The following INO80 variants were observed in gnomAD, a reference collection of about 807,000 sequenced individuals.
INO80 encodes the protein chromatin-remodeling ATPase INO80.
A neutral mutation model predicts 203.4 loss-of-function variants in INO80; 20 were observed. That is an observed-to-expected ratio of 0.10 (90% CI 0.07 to 0.14). The LOEUF (loss-of-function observed/expected upper bound fraction) is 0.14. Ranked by LOEUF, INO80 falls within the 10% of genes least tolerant of loss-of-function variation. The probability of loss-of-function intolerance (pLI) is 1.00; values close to 1 mark genes in which losing one functional copy is unlikely to be tolerated. For missense variants in INO80, 1,419 were observed against 1,914.4 expected (o/e 0.74, Z 4.83); for synonymous variants, 726 against 685.2 (o/e 1.06, Z -0.93).
intron 29 of INO80, among the ~76,000 whole-genome samples, chr15:40,991,030 TGGAG>T (rs1186685664): frequency 6.6e-6 from 1 of 151,998 alleles, no homozygotes; most frequent in Non-Finnish European, 1.5e-5. Flanking sequence ...TGGAGGTGGG[TGGAG>T]GGAGAGCCAT....
chr15:41,113,959 G>A (rs2045991496), intron 1 of INO80, among the ~76,000 whole-genome samples: 2 of 152,130 alleles, frequency 1.3e-5, no homozygotes, highest in African/African-American at 2.4e-5. Flanking sequence ...CTAAAATGAT[G>A]GAATTCAATC....
At chr15:41,071,006 A>T (rs2045302670) in intron 12 of INO80, among the ~76,000 whole-genome samples, 1 of 152,074 alleles carries the variant, frequency 6.6e-6, no homozygotes, top group Non-Finnish European at 1.5e-5. Context: ...CCGTTTCTAC[A>T]AAAAATACAA....
At chr15:41,039,438 A>G (rs1270660061) in intron 24 of INO80, among the ~76,000 whole-genome samples, 1 of 152,230 alleles carries the variant, frequency 6.6e-6, no homozygotes, top group East Asian at 1.9e-4. Flanking sequence ...GCATGAGTGT[A>G]TATTTTCAAT....
chr15:41,036,156 GAAA>G (rs369185302), intron 24 of INO80, among the ~76,000 whole-genome samples: 12 of 32,134 alleles, frequency 3.7e-4, no homozygotes, highest in South Asian at 2.2e-3. Context: ...ACTCTCTCTC[GAAA>G]AAAAAAAAAA....
intron 14 of INO80, among the ~76,000 whole-genome samples, chr15:41,065,981 C>T (rs979944554): frequency 9.4e-5 from 14 of 148,738 alleles, no homozygotes; most frequent in African/African-American, 3.0e-4. Flanking sequence ...AATGCTACTA[C>T]ATTGTACTTT....
At chr15:41,012,361 G>GT (rs1484179454) in intron 27 of INO80, among the ~76,000 whole-genome samples, 1 of 152,036 alleles carries the variant, frequency 6.6e-6, no homozygotes, top group African/African-American at 2.4e-5. Flanking sequence ...GAGGTCAGGA[G>GT]TTTGAGACCA....
chr15:41,079,309 ACTTT>A (rs780764064), intron 9 of INO80, among the ~76,000 whole-genome samples: 5 of 152,128 alleles, frequency 3.3e-5, no homozygotes, highest in African/African-American at 4.8e-5. Context: ...ATTAAAAGCT[ACTTT>A]CTTTCTCTTT....
chr15:41,005,428 G>A (rs2044027047), intron 28 of INO80, 165 bp downstream of exon 28: 2 of 560,144 alleles, frequency 3.6e-6, no homozygotes, highest in Non-Finnish European at 6.3e-6. Flanking sequence ...ACATAGATCT[G>A]AATTATGATA....
chr15:41,061,405 G>C lies in INO80; in HGVS notation c.1783-1479C>G, dbSNP rs997447295. ...GTGGATCACGAGCTCAGGAGATAGA[G>C]ACCACCCTGGCCAACATGGTGAAAC... On this transcript the variant is annotated intron_variant, in intron 14 of 35. Coordinates refer to ENST00000648947, the MANE Select transcript of INO80 (RefSeq NM_017553.3). 3.6e-5 allele frequency among the ~76,000 whole-genome samples: 5 copies of C among 139,034 alleles called. No individual in the cohort carries two copies. In the South Asian group the frequency reaches 1.1e-3, roughly 31 times the overall value. The allele number at this position is 139,034 out of a possible 152,430, so 91.2% of individuals were successfully genotyped here.
intron 19 of INO80, 58 bp from the exon 20 acceptor site, chr15:41,050,160 T>C (rs2044844439): frequency 3.9e-6 from 5 of 1,281,750 alleles, no homozygotes; most frequent in Non-Finnish European, 4.4e-6. Flanking sequence ...AAATTCAGCA[T>C]CAGCTTAAAG....
intron 24 of INO80, among the ~76,000 whole-genome samples, chr15:41,033,823 G>T (rs536621427): frequency 6.6e-5 from 10 of 152,102 alleles, no homozygotes; most frequent in Non-Finnish European, 1.5e-4. Context: ...AGGCCAAGGC[G>T]GGAGGATCAC....
At chr15:40,997,688 C>T (rs2043897764) in intron 28 of INO80, 87 bp from the exon 29 acceptor site, 2 of 859,452 alleles carry the variant, frequency 2.3e-6, no homozygotes, top group African/African-American at 1.7e-5. Flanking sequence ...GAATACAGAA[C>T]ATAAAGTCTA....
At chr15:41,061,790 AAATT>A (rs2045115058) in intron 14 of INO80, among the ~76,000 whole-genome samples, 1 of 152,202 alleles carries the variant, frequency 6.6e-6, no homozygotes, top group Non-Finnish European at 1.5e-5. Flanking sequence ...TAAAATCAAG[AAATT>A]AATGAATGGA....
intron 24 of INO80, among the ~76,000 whole-genome samples, chr15:41,040,259 C>T (rs1391720593): frequency 6.6e-6 from 1 of 152,090 alleles, no homozygotes; most frequent in Non-Finnish European, 1.5e-5. Flanking sequence ...ACACGAAGGG[C>T]TAAGAACAGC....
chr15:40,987,558 A>T (rs1484866315), intron 30 of INO80, among the ~76,000 whole-genome samples: 1 of 152,232 alleles, frequency 6.6e-6, no homozygotes, highest in Non-Finnish European at 1.5e-5. Context: ...AGAGGCCATT[A>T]CCGGTGTCAG....
chr15:41,058,558 T>C (rs1275910791), intron 16 of INO80, 81 bp downstream of exon 16: 2 of 1,048,818 alleles, frequency 1.9e-6, no homozygotes, highest in Non-Finnish European at 2.8e-6. Context: ...AGTCTGTGTG[T>C]GTGTGTGTGT....
chr15:41,116,054 C>T lies in INO80; in HGVS notation c.-125G>A. On this transcript the variant is annotated 5_prime_UTR_variant, in exon 1 of 36. Coordinates refer to ENST00000648947, the MANE Select transcript of INO80 (RefSeq NM_017553.3). Reference sequence around the variant, plus strand: ...CGGGGTCCGGAGGGGGGGGTCGCCCCGCCGACGGTGGAGCCGCGGTTCGCT... The same window carrying T: ...CGGGGTCCGGAGGGGGGGGTCGCCCTGCCGACGGTGGAGCCGCGGTTCGCT... 1 of 395,416 alleles carries T rather than the reference C, an allele frequency of 2.5e-6. No homozygotes were observed. Among genetic ancestry groups the T allele is most frequent in the Non-Finnish European group, 4.5e-6 (1 of 224,006 alleles). 24.5% of individuals were successfully genotyped at this position (395,416 alleles called of 1,614,324 possible).
intron 14 of INO80, among the ~76,000 whole-genome samples, chr15:41,063,427 CA>C (rs2045150076): frequency 6.6e-6 from 1 of 152,058 alleles, no homozygotes; most frequent in African/African-American, 2.4e-5. Flanking sequence ...ACTTAAAACT[CA>C]ATATATCAGC....
chr15:41,022,370 C>T (rs1465647505), intron 25 of INO80, among the ~76,000 whole-genome samples: 6 of 152,178 alleles, frequency 3.9e-5, no homozygotes, highest in African/African-American at 1.4e-4. Flanking sequence ...TTGTGTTGAT[C>T]AAGCTTTAGG....
Sources: gnomAD v4.1 joint callset for allele counts (sites outside exome capture counted in the v4.1 genomes callset) on GRCh38, gnomAD v4.1.1 for gene constraint, MANE v1.5 for transcripts, NCBI Gene and HGNC (gene_info 2026-07-23, HGNC 2026-07-21) for gene names.